TRAPPC9: variants seen among roughly 807,000 people sequenced by gnomAD.
The protein encoded by TRAPPC9 is IKK2 binding protein.
TRAPPC9 carries 83 observed loss-of-function variants against 124.0 expected under a neutral mutation model. That is an observed-to-expected ratio of 0.67 (90% confidence interval 0.56 to 0.80). TRAPPC9 has a LOEUF of 0.80. Among genes scored for constraint, TRAPPC9 ranks in the 30% least tolerant of loss-of-function variants. The pLI, the probability that TRAPPC9 is intolerant of heterozygous loss-of-function variation, is 0.00. For missense variants in TRAPPC9, 1,302 were observed against 1,508.3 expected, an observed-to-expected ratio of 0.86 and a Z score of 2.27; for synonymous variants, 638 against 617.5, an observed-to-expected ratio of 1.03 and a Z score of -0.49.
intron 21 of TRAPPC9, among the ~76,000 whole-genome samples, chr8:139,809,845 CCT>C (rs1464659674): frequency 6.6e-6 from 1 of 152,152 alleles, no homozygotes; most frequent in Non-Finnish European, 1.5e-5. Context: ...CATGCCAGCC[CCT>C]GAGGTTGGCA....
At chr8:140,407,996 G>C (rs1454860451) in intron 5 of TRAPPC9, among the ~76,000 whole-genome samples, 1 of 152,146 alleles carries the variant, frequency 6.6e-6, no homozygotes, top group African/African-American at 2.4e-5. Flanking sequence ...ATAAACCATA[G>C]GAAAATAACA....
chr8:140,095,286 G>T (rs1844862422), intron 17 of TRAPPC9: 1 of 152,244 alleles, frequency 6.6e-6, no homozygotes, highest in South Asian at 2.1e-4. Context: ...CCTGACAGAT[G>T]GCACGTTGAC....
chr8:139,947,595 C>G (rs1380286724), intron 19 of TRAPPC9, among the ~76,000 whole-genome samples: 1 of 152,034 alleles, frequency 6.6e-6, no homozygotes, highest in Non-Finnish European at 1.5e-5. Flanking sequence ...CAAGGTGGCT[C>G]ACGCCTGTAA....
At chr8:140,016,029 C>T (rs965299029) in intron 18 of TRAPPC9, among the ~76,000 whole-genome samples, 1 of 152,224 alleles carries the variant, frequency 6.6e-6, no homozygotes, top group South Asian at 2.1e-4. Flanking sequence ...AACACCTCTC[C>T]TGTTCCTCCC....
chr8:139,924,830 T>C (rs977331584), intron 19 of TRAPPC9, among the ~76,000 whole-genome samples: 3 of 152,224 alleles, frequency 2.0e-5, no homozygotes, highest in African/African-American at 7.2e-5. Context: ...AATTACATCT[T>C]ACTCATCTTT....
chr8:139,910,307 G>A lies in TRAPPC9; in HGVS notation c.2811-7C>T, dbSNP rs1831641643. The A allele has an allele frequency of 6.2e-7, 1 of 1,614,182 alleles. No individual in the cohort carries two copies. The highest frequency in any genetic ancestry group is 8.5e-7 in the Non-Finnish European group (1 of 1,180,026). The stretch of plus-strand genomic sequence containing the variant: ...GTCCACTTGAATAGCCATTCTACGA[G>A]AAAGGGGAAAACACAGCAGAGAATT... On this transcript the variant is annotated splice_polypyrimidine_tract_variant and splice_region_variant and intron_variant, in intron 19 of 22. Transcript: ENST00000438773.
chr8:140,137,951 T>A (rs1249501907), intron 17 of TRAPPC9, among the ~76,000 whole-genome samples: 1 of 152,264 alleles, frequency 6.6e-6, no homozygotes, highest in Non-Finnish European at 1.5e-5. Flanking sequence ...CAAATCTCCA[T>A]GAGATATTGG....
chr8:139,962,600 G>A lies in TRAPPC9; in HGVS notation c.2810+26126C>T, dbSNP rs934855422. Among the ~76,000 whole-genome samples, 10 of 124,046 alleles carry A rather than the reference G, an allele frequency of 8.1e-5. 1 individual carries two copies. Among genetic ancestry groups the A allele is most frequent in the Admixed American group, 2.6e-4 (3 of 11,680 alleles). The allele number at this position is 124,046 out of a possible 152,430, so 81.4% of individuals were successfully genotyped here. On this transcript the variant is annotated intron_variant, in intron 19 of 22. Transcript: ENST00000438773. ...GCCTGAAGTTGGACCTTGACATGGT[G>A]CCAGACATCAGTCCCAATCCTGGAG...
intron 20 of TRAPPC9, among the ~76,000 whole-genome samples, chr8:139,888,341 TTTAC>T (rs1265544526): frequency 6.6e-6 from 1 of 152,212 alleles, no homozygotes; most frequent in Non-Finnish European, 1.5e-5. Context: ...CTTTGGTTAA[TTTAC>T]TTAAAGTCCC....
At chr8:140,200,378 C>T (rs1308562648) in intron 17 of TRAPPC9, among the ~76,000 whole-genome samples, 1 of 152,152 alleles carries the variant, frequency 6.6e-6, no homozygotes. Flanking sequence ...CTCCCAGCCC[C>T]TGCCTCCAGC....
At chr8:140,161,295 G>A (rs2061747044) in intron 17 of TRAPPC9, among the ~76,000 whole-genome samples, 1 of 152,192 alleles carries the variant, frequency 6.6e-6, no homozygotes, top group Admixed American at 6.5e-5. Flanking sequence ...AGATGAAGTC[G>A]CTGGCCCCGG....
At chr8:140,218,819 G>T (rs1450370995) in intron 17 of TRAPPC9, among the ~76,000 whole-genome samples, 1 of 152,082 alleles carries the variant, frequency 6.6e-6, no homozygotes, top group African/African-American at 2.4e-5. Context: ...AATTAGCCGG[G>T]TGTGGTGGCG....
chr8:139,779,096 TAGAC>T (rs2130509408), intron 21 of TRAPPC9, among the ~76,000 whole-genome samples: 1 of 152,076 alleles, frequency 6.6e-6, no homozygotes, highest in African/African-American at 2.4e-5. Flanking sequence ...ATATCAAAAT[TAGAC>T]AGAAAAGAGA....
intron 14 of TRAPPC9, among the ~76,000 whole-genome samples, chr8:140,277,947 GC>G (rs2065177015): frequency 1.3e-5 from 2 of 152,196 alleles, no homozygotes; most frequent in African/African-American, 4.8e-5. Context: ...TGTTGAGGGA[GC>G]CCCTGGGTCT....
At chr8:140,348,385 G>A (rs1172905259) in intron 9 of TRAPPC9, among the ~76,000 whole-genome samples, 1 of 152,244 alleles carries the variant, frequency 6.6e-6, no homozygotes, top group East Asian at 1.9e-4. Context: ...CCAAGAAAAC[G>A]CAAATTAGAA....
At chr8:139,988,062 A>C (rs1837360822) in intron 19 of TRAPPC9, among the ~76,000 whole-genome samples, 1 of 150,590 alleles carries the variant, frequency 6.6e-6, no homozygotes, top group East Asian at 2.0e-4. Flanking sequence ...TGATGCTGAC[A>C]TGCAGTTCCC....
At chr8:140,244,770 G>A (rs7823441) in intron 16 of TRAPPC9, among the ~76,000 whole-genome samples, 9,201 of 145,852 alleles carry the variant, frequency 0.063, 511 homozygotes, top group African/African-American at 0.15. Context: ...CTGTTACGCA[G>A]AAGTATTATT....
At chr8:139,999,357 G>C (rs1838245129) in intron 18 of TRAPPC9, among the ~76,000 whole-genome samples, 1 of 152,084 alleles carries the variant, frequency 6.6e-6, no homozygotes, top group Non-Finnish European at 1.5e-5. Flanking sequence ...ATTATATAAT[G>C]ATAAAAGCAT....
intron 14 of TRAPPC9, among the ~76,000 whole-genome samples, chr8:140,277,445 C>T (rs2065161775): frequency 6.6e-6 from 1 of 152,200 alleles, no homozygotes; most frequent in African/African-American, 2.4e-5. Flanking sequence ...CTTTCTCAAG[C>T]AAAAGTTTAT....
Sources: gnomAD v4.1 joint callset for allele counts (sites outside exome capture counted in the v4.1 genomes callset) on GRCh38, gnomAD v4.1.1 for gene constraint, MANE v1.5 for transcripts, NCBI Gene and HGNC (gene_info 2026-07-23, HGNC 2026-07-21) for gene names.